Variants in HIP1 observed in about 807,000 individuals in gnomAD.
The protein encoded by HIP1 is huntingtin interacting protein 1.
A neutral mutation model predicts 147.6 loss-of-function variants in HIP1; 65 were observed. The ratio of observed to expected loss-of-function variants is 0.44; its 90% CI spans 0.36 to 0.54. HIP1 has a LOEUF of 0.54. HIP1 is among the 20% of genes least tolerant of loss of function. HIP1 has a pLI of 0.00. For missense variants in HIP1, 1,061 were observed against 1,299.6 expected, an observed-to-expected ratio of 0.82 and a Z score of 2.82; for synonymous variants, 479 against 504.0, an observed-to-expected ratio of 0.95 and a Z score of 0.67.
chr7:75,599,074 T>C (rs990624954), intron 2 of HIP1, 110 bp downstream of exon 2: 25 of 787,440 alleles, frequency 3.2e-5, no homozygotes, highest in Non-Finnish European at 4.9e-5. Flanking sequence ...ACCTGGCCTG[T>C]GCAGGGTTGC....
rs1554507401 is a variant in HIP1, at chr7:75,622,891, ATC to A, written c.121-23646_121-23645del. Among the ~76,000 whole-genome samples, 29 of 142,298 alleles carry A rather than the reference ATC, an allele frequency of 2.0e-4. 1 individual carries two copies. The highest frequency in any genetic ancestry group is 4.8e-4 in the African/African-American group (18 of 37,114). 93.4% of individuals were successfully genotyped at this position (142,298 alleles called of 152,430 possible). On this transcript the variant is annotated intron_variant, in intron 1 of 30. Transcript: ENST00000336926. Reference sequence around the variant, plus strand: ...TATCTATCTATCTATCTATCTATCTATCTATATATTTTTTAAAGGAAATTGGC... The same window carrying A: ...TATCTATCTATCTATCTATCTATCTATATATATTTTTTAAAGGAAATTGGC...
In HIP1 at chr7:75,681,997, A is replaced by G. The variant is rs1447625636; in HGVS notation, c.120+56804T>C. 1.5e-5 allele frequency among the ~76,000 whole-genome samples: 2 copies of G among 134,808 alleles called. 1 individual carries two copies. Among genetic ancestry groups the G allele is most frequent in the East Asian group, 4.3e-4 (2 of 4,648 alleles). The allele number at this position is 134,808 out of a possible 152,430, so 88.4% of individuals were successfully genotyped here. On this transcript the variant is annotated intron_variant, in intron 1 of 30. Coordinates refer to ENST00000336926, the MANE Select transcript of HIP1 (RefSeq NM_005338.7). ...AATAAATTTAAATGGTATGAAAGCTATTTATCTAAGGCAACAACCTCTTTT... is the reference window on the plus strand; with the variant it reads ...AATAAATTTAAATGGTATGAAAGCTGTTTATCTAAGGCAACAACCTCTTTT...
intron 1 of HIP1, among the ~76,000 whole-genome samples, chr7:75,699,412 C>A (rs937938420): frequency 2.6e-5 from 4 of 152,052 alleles, no homozygotes; most frequent in Non-Finnish European, 5.9e-5. Context: ...TTTTTTCCAT[C>A]GATCTCCTGG....
intron 1 of HIP1, among the ~76,000 whole-genome samples, chr7:75,633,683 A>G (rs1331667937): frequency 6.6e-6 from 1 of 152,092 alleles, no homozygotes; most frequent in Non-Finnish European, 1.5e-5. Flanking sequence ...TGGGCAGGTC[A>G]CCCATCAGTC....
intron 1 of HIP1, among the ~76,000 whole-genome samples, chr7:75,721,676 A>C (rs1801508019): frequency 6.6e-6 from 1 of 152,236 alleles, no homozygotes; most frequent in Admixed American, 6.5e-5. Context: ...AGCAGAGGAC[A>C]GAAGATGGTA....
chr7:75,694,477 T>C (rs908981449), intron 1 of HIP1, among the ~76,000 whole-genome samples: 6 of 150,982 alleles, frequency 4.0e-5, no homozygotes, highest in African/African-American at 1.5e-4. Flanking sequence ...ATTGATTCTT[T>C]CTTTTTTTCT....
intron 1 of HIP1, among the ~76,000 whole-genome samples, chr7:75,693,640 C>T (rs947615297): frequency 3.3e-5 from 5 of 151,724 alleles, no homozygotes; most frequent in African/African-American, 7.3e-5. Context: ...TTTGGGAGGC[C>T]GAGGTGGAAG....
At chr7:75,662,592 C>G (rs1799355245) in intron 1 of HIP1, among the ~76,000 whole-genome samples, 1 of 152,100 alleles carries the variant, frequency 6.6e-6, no homozygotes, top group African/African-American at 2.4e-5. Context: ...TGCAACCTCC[C>G]TCTCCCAGGT....
intron 22 of HIP1, among the ~76,000 whole-genome samples, chr7:75,551,731 G>A (rs1178846134): frequency 1.3e-5 from 2 of 149,120 alleles, no homozygotes; most frequent in East Asian, 2.0e-4. Flanking sequence ...CATCACACCC[G>A]GCCAATTTTT....
chr7:75,638,764 G>T lies in HIP1; in HGVS notation c.121-39517C>A, dbSNP rs1798531933. Among the ~76,000 whole-genome samples the T allele has an allele frequency of 3.3e-5, 5 of 152,128 alleles. No homozygotes were observed. The South Asian group carries it at 1.0e-3, about 32-fold the overall frequency. On this transcript the variant is annotated intron_variant, in intron 1 of 30. Transcript: ENST00000336926. ...CTCCCTCCCGTCCGGCAGGTCTCCCGAGGTGGGCGGCGAGCCCCGCAGCCC... is the reference window on the plus strand; with the variant it reads ...CTCCCTCCCGTCCGGCAGGTCTCCCTAGGTGGGCGGCGAGCCCCGCAGCCC...
At chr7:75,673,065 A>G (rs1189169457) in intron 1 of HIP1, among the ~76,000 whole-genome samples, 1 of 145,036 alleles carries the variant, frequency 6.9e-6, no homozygotes, top group East Asian at 2.0e-4. Flanking sequence ...ACTGTCACCC[A>G]GGCTAGAGTG....
At chr7:75,599,306 G>T (rs2117006610) in intron 1 of HIP1, 59 bp from the exon 2 acceptor site, 4 of 1,322,538 alleles carry the variant, frequency 3.0e-6, no homozygotes, top group Non-Finnish European at 4.4e-6. Context: ...TCTGAGAGTG[G>T]CTGAGACCCT....
At chr7:75,541,677 C>A in intron 29 of HIP1, among the ~76,000 whole-genome samples, 1 of 149,534 alleles carries the variant, frequency 6.7e-6, no homozygotes, top group African/African-American at 2.5e-5. Context: ...GTCTGGGCGA[C>A]AGGACGAGAC....
chr7:75,538,697 C>CT (rs1357183766), intron 30 of HIP1, among the ~76,000 whole-genome samples: 1 of 151,764 alleles, frequency 6.6e-6, no homozygotes, highest in African/African-American at 2.4e-5. Context: ...GCCTCAGCCT[C>CT]CTGAGTAGCT....
chr7:75,542,028 A>C (rs1554490004), intron 28 of HIP1, 48 bp from the exon 29 acceptor site: 15 of 1,493,244 alleles, frequency 1.0e-5, no homozygotes, highest in Non-Finnish European at 1.3e-5. Context: ...ACCCTGGCTG[A>C]CTGGCACCTG....
chr7:75,650,117 G>A (rs1241586656), intron 1 of HIP1, among the ~76,000 whole-genome samples: 6 of 152,098 alleles, frequency 3.9e-5, no homozygotes, highest in East Asian at 3.9e-4. Context: ...ATTAGCTGGC[G>A]GGTTCTGGGA....
chr7:75,667,781 G>T (rs185758571), intron 1 of HIP1, among the ~76,000 whole-genome samples: 101 of 152,330 alleles, frequency 6.6e-4, no homozygotes, highest in Non-Finnish European at 5.9e-5. Flanking sequence ...ATGAGCCACT[G>T]CACCCGGCAG....
intron 22 of HIP1, among the ~76,000 whole-genome samples, chr7:75,550,951 A>T (rs1295016046): frequency 1.3e-5 from 2 of 152,134 alleles, no homozygotes; most frequent in African/African-American, 2.4e-5. Flanking sequence ...TAACAACCCA[A>T]ACTGGAAATA....
chr7:75,641,769 G>A (rs549217951), intron 1 of HIP1, among the ~76,000 whole-genome samples: 2 of 152,278 alleles, frequency 1.3e-5, no homozygotes, highest in South Asian at 4.1e-4. Context: ...GTGAGCCACT[G>A]TGCCTGACTG....
Sources: allele counts gnomAD v4.1 joint callset (sites outside exome capture counted in the v4.1 genomes callset), GRCh38; gene constraint gnomAD v4.1.1; transcripts MANE v1.5; gene names NCBI Gene and HGNC (gene_info 2026-07-23, HGNC 2026-07-21).